The following TSC22D1 variants were observed in gnomAD, a reference collection of about 807,000 sequenced individuals.
TSC22D1 encodes the protein TSC22 domain family protein 1.
Under a neutral mutation model 74.2 loss-of-function variants are expected in TSC22D1, and 9 were observed. The observed-to-expected ratio is 0.12, with a 90% CI of 0.07 to 0.21. TSC22D1 has a LOEUF of 0.21. Among genes scored for constraint, TSC22D1 ranks in the 10% least tolerant of loss-of-function variants. TSC22D1 has a pLI of 1.00. For synonymous variants in TSC22D1, 586 were observed against 492.5 expected, an observed-to-expected ratio of 1.19 and a Z score of -2.51; for missense variants, 1,427 against 1,304.7, an observed-to-expected ratio of 1.09 and a Z score of -1.44.
Position 44,573,400 on chromosome 13 carries a change from A to C in TSC22D1, c.2675T>G (p.Leu892Arg). The change falls in exon 1 of 3, where the codon CTA (leucine) becomes CGA (arginine). Residue 892 changes from leucine (L) to arginine (R), a missense_variant. Physicochemically the swap from Leu to Arg is moderately radical, Grantham distance 102. Around this residue, in one of 3 missense-constraint regions of TSC22D1, gnomAD observed 1,343 missense variants for 1,191.5 expected, o/e 1.13. Coordinates refer to ENST00000458659, the MANE Select transcript of TSC22D1 (RefSeq NM_183422.4). ...TTGTGCGGAGAACTGGGTAGAACTT[A>C]GTGGTATCTGTTGTGCCAAAGGCAA... ...TNLPLAQQIPLSSTQFSAQSL... is the reference protein window; with the variant it reads ...TNLPLAQQIPRSSTQFSAQSL... 6.2e-7 allele frequency: 1 copy of C among 1,614,274 alleles called. No individual in the cohort carries two copies. The highest frequency in any genetic ancestry group is 8.5e-7 in the Non-Finnish European group (1 of 1,180,056).
chr13:44,566,735 C>T (rs1000606206), intron 1 of TSC22D1, among the ~76,000 whole-genome samples: 6 of 152,012 alleles, frequency 3.9e-5, no homozygotes, highest in East Asian at 1.9e-4. Context: ...AAAACTGAGG[C>T]AGATGAAAAG....
At chr13:44,472,973 G>A (rs1178924776) in intron 1 of TSC22D1, among the ~76,000 whole-genome samples, 1 of 152,134 alleles carries the variant, frequency 6.6e-6, no homozygotes, top group Non-Finnish European at 1.5e-5. Context: ...GGCCAGGGAA[G>A]CCCAATTATG....
At chr13:44,478,938 C>T (rs866975608) in intron 1 of TSC22D1, among the ~76,000 whole-genome samples, 2 of 151,768 alleles carry the variant, frequency 1.3e-5, no homozygotes, top group Admixed American at 6.6e-5. Context: ...TGTATGTTTA[C>T]GTGTGTGTTT....
chr13:44,490,635 C>T (rs1289237754), intron 1 of TSC22D1, among the ~76,000 whole-genome samples: 2 of 152,068 alleles, frequency 1.3e-5, no homozygotes, highest in Non-Finnish European at 2.9e-5. Context: ...TAGTAGTTCA[C>T]GCCTGTAATC....
At chr13:44,453,572 C>T (rs994702555) in intron 1 of TSC22D1, among the ~76,000 whole-genome samples, 8 of 152,180 alleles carry the variant, frequency 5.3e-5, no homozygotes, top group Non-Finnish European at 8.8e-5. Context: ...CCCAAGGAGA[C>T]ATATGTTTAA....
At chr13:44,562,754 T>C (rs910859104) in intron 1 of TSC22D1, among the ~76,000 whole-genome samples, 16 of 152,198 alleles carry the variant, frequency 1.1e-4, no homozygotes, top group African/African-American at 3.4e-4. Context: ...TTCTTTTCAC[T>C]ACCAAACATA....
intron 1 of TSC22D1, among the ~76,000 whole-genome samples, chr13:44,509,279 G>C (rs1405775316): frequency 6.6e-6 from 1 of 152,150 alleles, no homozygotes; most frequent in African/African-American, 2.4e-5. Context: ...TGATGAAGAG[G>C]GTAGGACGCT....
rs78876732 is a variant in TSC22D1 at position 44,476,525 on chromosome 13, C to A, written c.2913-40430G>T. On this transcript the variant is annotated intron_variant, in intron 1 of 2. Transcript: ENST00000458659. The stretch of plus-strand genomic sequence containing the variant: ...CAAGAGTGCCCATAAACTGCATGAT[C>A]TGACACTTGAATTATGAAAAATAAA... 5.6e-3 allele frequency among the ~76,000 whole-genome samples: 855 copies of A among 152,196 alleles called. 7 individuals carry two copies. The highest frequency in any genetic ancestry group is 0.02 in the African/African-American group (811 of 41,524).
rs1874392081 is a variant in TSC22D1 at position 44,434,742 on chromosome 13, G to T, written c.3106C>A (p.Leu1036Ile). 6.2e-7 allele frequency: 1 copy of T among 1,613,694 alleles called. No homozygotes were observed. The highest frequency in any genetic ancestry group is 8.5e-7 in the Non-Finnish European group (1 of 1,179,954). ...TGCAGCTGGGCCTGAAACTGGGCAA[G>T]CTGCTCAGGACTGGCCAGTGTCTTC... ...LLKTLASPEQ[L>I]AQFQAQLQTG... Residue 1036 changes from leucine to isoleucine, a missense_variant, in exon 3 of 3, where the codon CTT becomes ATT. Coordinates refer to ENST00000458659, the MANE Select transcript of TSC22D1 (RefSeq NM_183422.4).
At chr13:44,538,111 TCTAATA>T in intron 1 of TSC22D1, 2 of 985,330 alleles carry the variant, frequency 2.0e-6, no homozygotes, top group Non-Finnish European at 2.4e-6. Context: ...ACAGGCTTAT[TCTAATA>T]CTAAGTGCTT....
chr13:44,554,800 T>C (rs1407815836), intron 1 of TSC22D1, among the ~76,000 whole-genome samples: 2 of 152,116 alleles, frequency 1.3e-5, no homozygotes, highest in African/African-American at 4.8e-5. Flanking sequence ...CACCAAATGT[T>C]TACCAAATTA....
At chr13:44,448,479 T>C (rs1875861837) in intron 1 of TSC22D1, among the ~76,000 whole-genome samples, 1 of 152,146 alleles carries the variant, frequency 6.6e-6, no homozygotes, top group Non-Finnish European at 1.5e-5. Context: ...ACGGTAAAGA[T>C]AAATTTAAGG....
At chr13:44,446,550 G>A (rs1043574822) in intron 1 of TSC22D1, among the ~76,000 whole-genome samples, 13 of 152,064 alleles carry the variant, frequency 8.5e-5, no homozygotes, top group Admixed American at 8.5e-4. Context: ...TCACCACTTG[G>A]GCAACGGGAT....
Position 44,575,469 on chromosome 13 carries a change from A to T in TSC22D1, c.606T>A (p.Pro202=). 6.2e-7 allele frequency: 1 copy of T among 1,614,080 alleles called. No individual in the cohort carries two copies. The change falls in exon 1 of 3, where the codon CCT becomes CCA. Residue 202 remains proline, a synonymous_variant. Transcript: ENST00000458659. ...TCACAACATTCTGTTGTGGAAGGTG[A>T]GGCAAATGAGGCTGAGGAAGGTGGG... ...NQPHLPQPHL[P]HLPQQNVVIN...
intron 1 of TSC22D1, among the ~76,000 whole-genome samples, chr13:44,562,588 T>G (rs560797306): frequency 2.0e-5 from 3 of 152,180 alleles, no homozygotes; most frequent in East Asian, 3.9e-4. Flanking sequence ...GAGTCCCCAG[T>G]AGACAGGAAA....
At position 44,433,070 on chromosome 13, in the gene TSC22D1, G is replaced by A. The variant is rs888025762; in HGVS notation, c.*1556C>T. The A allele has an allele frequency of 2.0e-5, 3 of 152,118 alleles. No individual in the cohort carries two copies. The highest frequency in any genetic ancestry group is 1.3e-4 in the Admixed American group (2 of 15,270). The allele number at this position is 152,118 out of a possible 1,614,324, so 9.4% of individuals were successfully genotyped here. A position where few individuals can be genotyped will look rare whatever the true frequency, so the allele number is the denominator to read the frequency against. Reference sequence around the variant, plus strand: ...CACTAGGAGAAACATCCCAACCCAGGGTGACAGGGTTCTTAAAGTGGAAAT... The same window carrying A: ...CACTAGGAGAAACATCCCAACCCAGAGTGACAGGGTTCTTAAAGTGGAAAT... On this transcript the variant is annotated 3_prime_UTR_variant, in exon 3 of 3. Transcript: ENST00000458659.
chr13:44,511,756 A>G (rs1457013919), intron 1 of TSC22D1, among the ~76,000 whole-genome samples: 1 of 152,164 alleles, frequency 6.6e-6, no homozygotes, highest in Admixed American at 6.5e-5. Flanking sequence ...CCACCAATGA[A>G]TGCTTTTTAA....
chr13:44,475,981 T>C (rs1243015631), intron 1 of TSC22D1, among the ~76,000 whole-genome samples: 2 of 152,136 alleles, frequency 1.3e-5, no homozygotes, highest in African/African-American at 4.8e-5. Flanking sequence ...AGAAAAAAAT[T>C]AAAATTAATG....
intron 1 of TSC22D1, among the ~76,000 whole-genome samples, chr13:44,506,836 T>C (rs1879470954): frequency 6.6e-6 from 1 of 151,940 alleles, no homozygotes; most frequent in Non-Finnish European, 1.5e-5. Context: ...GTGGTGATAA[T>C]GGGGATAGAG....
Sources: gnomAD v4.1 joint callset for allele counts (sites outside exome capture counted in the v4.1 genomes callset) on GRCh38, gnomAD v4.1.1 for gene constraint, gnomAD v4.1.1 regional missense constraint, MANE v1.5 for transcripts, NCBI Gene and HGNC (gene_info 2026-07-23, HGNC 2026-07-21) for gene names.